SCAMP1: variants seen among roughly 807,000 people sequenced by gnomAD.
The protein encoded by SCAMP1 is secretory carrier-associated membrane protein 1.
In SCAMP1, 15 loss-of-function variants were observed where a neutral mutation model predicts 41.8. The observed-to-expected ratio is 0.36, with a 90% CI of 0.24 to 0.55. The LOEUF (loss-of-function observed/expected upper bound fraction) is 0.55. Among genes scored for constraint, SCAMP1 ranks in the 20% least tolerant of loss-of-function variants. SCAMP1 has a pLI of 0.86. For synonymous variants in SCAMP1, 135 were observed against 136.8 expected (o/e 0.99, Z 0.09); for missense variants, 341 against 412.6 (o/e 0.83, Z 1.50).
chr5:78,454,740 A>C (rs1201630976), intron 7 of SCAMP1, among the ~76,000 whole-genome samples: 1 of 152,180 alleles, frequency 6.6e-6, no homozygotes, highest in Non-Finnish European at 1.5e-5. Flanking sequence ...ATTGATTGGA[A>C]TAGTTTCAGA....
intron 6 of SCAMP1, among the ~76,000 whole-genome samples, chr5:78,425,644 A>G (rs996700626): frequency 2.0e-5 from 3 of 152,142 alleles, no homozygotes; most frequent in African/African-American, 7.2e-5. Context: ...CTTGCCGCTG[A>G]CTTATGTGGG....
At chr5:78,360,801 G>A (rs1294804607) in intron 1 of SCAMP1, 73 bp downstream of exon 1, 8 of 1,431,846 alleles carry the variant, frequency 5.6e-6, no homozygotes, top group African/African-American at 4.3e-5. Flanking sequence ...GTTCCTTCGC[G>A]CCCACTGCGT....
intron 1 of SCAMP1, among the ~76,000 whole-genome samples, chr5:78,385,627 G>T (rs183317543): frequency 6.6e-6 from 1 of 151,934 alleles, no homozygotes; most frequent in African/African-American, 2.4e-5. Context: ...ATTTCCCAGC[G>T]GTTTTGATAG....
At chr5:78,425,030 T>C (rs929441399) in intron 6 of SCAMP1, among the ~76,000 whole-genome samples, 3 of 152,230 alleles carry the variant, frequency 2.0e-5, no homozygotes, top group Admixed American at 6.5e-5. Context: ...TTAGAGATAA[T>C]GTATGCAAGT....
At chr5:78,439,833 C>T (rs1282787232) in intron 6 of SCAMP1, among the ~76,000 whole-genome samples, 2 of 152,146 alleles carry the variant, frequency 1.3e-5, no homozygotes, top group African/African-American at 4.8e-5. Flanking sequence ...TCCATTTTCC[C>T]CGTCACTTTC....
chr5:78,411,941 A>AT, intron 2 of SCAMP1, among the ~76,000 whole-genome samples: 1 of 152,228 alleles, frequency 6.6e-6, no homozygotes, highest in East Asian at 1.9e-4. Flanking sequence ...AAATGTGGTA[A>AT]TCCTATGATA....
intron 4 of SCAMP1, among the ~76,000 whole-genome samples, chr5:78,417,555 G>T (rs542031915): frequency 6.6e-6 from 1 of 152,316 alleles, no homozygotes; most frequent in South Asian, 2.1e-4. Flanking sequence ...TTAACAATTA[G>T]ACTGCAGTAT....
chr5:78,411,252 C>T (rs1277022344), intron 2 of SCAMP1, among the ~76,000 whole-genome samples: 1 of 152,000 alleles, frequency 6.6e-6, no homozygotes, highest in African/African-American at 2.4e-5. Flanking sequence ...TTTTCTTCTA[C>T]AGTTTTTATA....
intron 6 of SCAMP1, among the ~76,000 whole-genome samples, chr5:78,423,006 ACGCGCG>A: frequency 2.2e-5 from 1 of 45,094 alleles, no homozygotes; most frequent in African/African-American, 1.0e-4. Context: ...TGTGTAACAC[ACGCGCG>A]CGCGCACACA....
intron 2 of SCAMP1, among the ~76,000 whole-genome samples, chr5:78,409,210 A>G (rs965771691): frequency 1.3e-5 from 2 of 152,120 alleles, no homozygotes; most frequent in African/African-American, 4.8e-5. Context: ...TGGATTTAGT[A>G]GTTCCTGCTT....
chr5:78,389,389 C>T (rs1751430297), intron 2 of SCAMP1, among the ~76,000 whole-genome samples: 1 of 152,116 alleles, frequency 6.6e-6, no homozygotes, highest in South Asian at 2.1e-4. Flanking sequence ...TTTACCCAGA[C>T]TAGGAAAGCA....
In SCAMP1 at chr5:78,371,264, G is replaced by A. The variant is rs958418491; in HGVS notation, c.57+10536G>A. On this transcript the variant is annotated intron_variant, in intron 1 of 8. Coordinates refer to ENST00000621999, the MANE Select transcript of SCAMP1 (RefSeq NM_004866.6). ...TGAGGTAAAGAAGGTTTATCCCTAT[G>A]TTTTCTTCAAAGAGTTTTATAGTTT... Among the ~76,000 whole-genome samples the A allele has an allele frequency of 3.9e-5, 6 of 152,244 alleles. No individual in the cohort carries two copies. In the East Asian group the frequency reaches 9.6e-4, roughly 24 times the overall value.
chr5:78,450,000 C>T lies in SCAMP1; in HGVS notation c.700C>T (p.Leu234Phe). Residue 234 changes from leucine (L) to phenylalanine (F), a missense_variant, in exon 7 of 9, where the codon CTC (leucine) becomes TTC (phenylalanine). Transcript: ENST00000621999. ...TATTTGTCAGTTTGCTGTACATGTA[C>T]TCCAAGCTGCAGGATTTCATAACTG... The part of the protein sequence containing the change: ...VYICQFAVHV[L>F]QAAGFHNWGN... 6 of 1,578,678 alleles carry T rather than the reference C, an allele frequency of 3.8e-6. No individual in the cohort carries two copies. The highest frequency in any genetic ancestry group is 5.1e-6 in the Non-Finnish European group (6 of 1,166,008).
At chr5:78,409,422 TACACACACAC>T (rs59969661) in intron 2 of SCAMP1, among the ~76,000 whole-genome samples, 5 of 148,906 alleles carry the variant, frequency 3.4e-5, no homozygotes, top group Admixed American at 6.7e-5. Context: ...CACATATAGA[TACACACACAC>T]ACACACACAC....
chr5:78,418,740 A>T (rs2112142349), intron 4 of SCAMP1, 35 bp from the exon 5 acceptor site: 1 of 1,297,958 alleles, frequency 7.7e-7, no homozygotes, highest in Non-Finnish European at 1.1e-6. Context: ...GTTATAATAT[A>T]AATAACCTTT....
chr5:78,362,927 C>A (rs958985252), intron 1 of SCAMP1, among the ~76,000 whole-genome samples: 1 of 132,654 alleles, frequency 7.5e-6, no homozygotes, highest in Non-Finnish European at 1.6e-5. Flanking sequence ...GAGTCTTGCA[C>A]TGTTGCCCCG....
intron 6 of SCAMP1, among the ~76,000 whole-genome samples, chr5:78,439,592 T>A (rs1335016296): frequency 6.6e-6 from 1 of 152,244 alleles, no homozygotes; most frequent in Non-Finnish European, 1.5e-5. Context: ...CTGCTGTTAG[T>A]CTGATGGGCT....
chr5:78,425,942 C>G (rs1249917884), intron 6 of SCAMP1, among the ~76,000 whole-genome samples: 1 of 151,820 alleles, frequency 6.6e-6, no homozygotes, highest in Non-Finnish European at 1.5e-5. Context: ...GCCCTCCCTC[C>G]CCTTGCCCCC....
chr5:78,434,848 T>A (rs1752709344), intron 6 of SCAMP1, among the ~76,000 whole-genome samples: 1 of 152,176 alleles, frequency 6.6e-6, no homozygotes, highest in African/African-American at 2.4e-5. Flanking sequence ...TTATAATAAG[T>A]ATAAAAATAA....
Sources: gnomAD v4.1 joint callset for allele counts (sites outside exome capture counted in the v4.1 genomes callset) on GRCh38, gnomAD v4.1.1 for gene constraint, MANE v1.5 for transcripts, NCBI Gene and HGNC (gene_info 2026-07-23, HGNC 2026-07-21) for gene names.